Variants in ALG1L2 observed in about 807,000 individuals in gnomAD.
The protein encoded by ALG1L2 is ALG1 chitobiosyldiphosphodolichol beta-mannosyltransferase like 2, also known as putative glycosyltransferase ALG1L2.
A neutral mutation model predicts 29.0 loss-of-function variants in ALG1L2; 32 were observed. The ratio of observed to expected loss-of-function variants is 1.10; its 90% CI spans 0.83 to 1.48. The LOEUF is 1.48. ALG1L2 is among the 40% of genes most tolerant of loss of function. The pLI, the probability that ALG1L2 is intolerant of heterozygous loss-of-function variation, is 0.00. For missense variants in ALG1L2, 318 were observed against 274.1 expected (o/e 1.16, Z -1.13); for synonymous variants, 110 against 109.5 (o/e 1.00, Z -0.03).
At chr3:130,084,406 G>A (rs1934848498) in intron 1 of ALG1L2, among the ~76,000 whole-genome samples, 1 of 148,538 alleles carries the variant, frequency 6.7e-6, no homozygotes, top group Admixed American at 6.8e-5. Context: ...GGAGAGGGAA[G>A]GTGACAGCCA....
At chr3:130,090,478 C>T (rs973516251) in intron 1 of ALG1L2, among the ~76,000 whole-genome samples, 3 of 152,308 alleles carry the variant, frequency 2.0e-5, no homozygotes, top group East Asian at 1.9e-4. Flanking sequence ...TCTGTAATTC[C>T]AGCAAATACA....
At chr3:130,097,285 G>C (rs758532994) in intron 7 of ALG1L2, 35 bp downstream of exon 7, 34 of 1,600,332 alleles carry the variant, frequency 2.1e-5, no homozygotes, top group Non-Finnish European at 2.5e-5. Context: ...GGGTGGACAG[G>C]GTTCTGGAGA....
intron 4 of ALG1L2, 22 bp downstream of exon 4, chr3:130,093,182 G>A (rs759221078): frequency 3.7e-6 from 6 of 1,609,378 alleles, no homozygotes; most frequent in Admixed American, 1.7e-5. Context: ...GACCCTGGGT[G>A]TCTGTTTGGT....
At chr3:130,095,931 T>C (rs1935119408) in intron 5 of ALG1L2, 118 bp from the exon 6 acceptor site, 2 of 1,070,588 alleles carry the variant, frequency 1.9e-6, no homozygotes, top group Admixed American at 4.1e-5. Context: ...TGGTTGGGGA[T>C]GTCGGGGGCC....
chr3:130,097,389 C>T (rs1935165966), intron 7 of ALG1L2, 139 bp downstream of exon 7: 1 of 1,381,572 alleles, frequency 7.2e-7, no homozygotes. Flanking sequence ...GAGCAGAAGT[C>T]ACAGAGGCTG....
chr3:130,092,394 T>TTC (rs368345697), intron 3 of ALG1L2, among the ~76,000 whole-genome samples, 172 bp downstream of exon 3: 5,161 of 152,314 alleles, frequency 0.034, 271 homozygotes, highest in African/African-American at 0.11. Context: ...TGACATTCAA[T>TTC]TCTTCTCATA....
At chr3:130,091,981 T>A in intron 2 of ALG1L2, 120 bp from the exon 3 acceptor site, 1 of 1,508,970 alleles carries the variant, frequency 6.6e-7, no homozygotes, top group South Asian at 1.2e-5. Context: ...CTGGTGCTGC[T>A]GATGCAGCCG....
Position 130,096,133 on chromosome 3 carries a change from G to A in ALG1L2, c.509G>A (p.Cys170Tyr). 1 of 1,611,978 alleles carries A rather than the reference G, an allele frequency of 6.2e-7. No homozygotes were observed. The highest frequency in any genetic ancestry group is 8.5e-7 in the Non-Finnish European group (1 of 1,179,842). ...AAGGTGGTGGACATGTTCAGGTGCT[G>A]TTTGCCTGCGTGTGCCGTGAACTTC... The part of the protein sequence containing the change: ...PMKVVDMFRC[C>Y]LPACAVNFKC... Residue 170 changes from cysteine (C) to tyrosine (Y), a missense_variant, in exon 6 of 8, where the codon TGT becomes TAT. Transcript: ENST00000425059.
intron 1 of ALG1L2, chr3:130,090,587 T>G (rs1281649645): frequency 6.6e-6 from 1 of 152,452 alleles, no homozygotes; most frequent in Non-Finnish European, 1.5e-5. Flanking sequence ...ATTTACAACT[T>G]AATAGTCAAC....
intron 7 of ALG1L2, 146 bp from the exon 8 acceptor site, chr3:130,098,077 C>G: frequency 3.6e-6 from 4 of 1,098,714 alleles, no homozygotes; most frequent in Non-Finnish European, 5.2e-6. Flanking sequence ...GGAGGCGGAG[C>G]GCTGCTGGGG....
chr3:130,087,758 A>G lies in ALG1L2; in HGVS notation c.21-3503A>G, dbSNP rs1467246750. Reference sequence around the variant, plus strand: ...GGAAAAATAATAATAAATATTACATATTTAATAATTAAATGAATGAAAAAG... The same window carrying G: ...GGAAAAATAATAATAAATATTACATGTTTAATAATTAAATGAATGAAAAAG... On this transcript the variant is annotated intron_variant, in intron 1 of 7. Coordinates refer to ENST00000425059, the MANE Select transcript of ALG1L2 (RefSeq NM_001136152.1). Among the ~76,000 whole-genome samples, 3 of 111,096 alleles carry G rather than the reference A, an allele frequency of 2.7e-5. 1 individual carries two copies. Among genetic ancestry groups the G allele is most frequent in the Non-Finnish European group, 6.4e-5 (3 of 46,912 alleles). The allele number at this position is 111,096 out of a possible 152,430, so 72.9% of individuals were successfully genotyped here.
At chr3:130,087,039 T>A (rs7646708) in intron 1 of ALG1L2, among the ~76,000 whole-genome samples, 17 of 149,400 alleles carry the variant, frequency 1.1e-4, no homozygotes, top group African/African-American at 2.9e-4. Context: ...GAGTTCAAGA[T>A]CCTTACAGCC....
chr3:130,096,339 A>T (rs1191070022), intron 6 of ALG1L2, among the ~76,000 whole-genome samples, 176 bp downstream of exon 6: 1 of 152,196 alleles, frequency 6.6e-6, no homozygotes, highest in Non-Finnish European at 1.5e-5. Flanking sequence ...GCCTCACTGA[A>T]GTAGTTGCTT....
chr3:130,084,077 A>G (rs1442867732), intron 1 of ALG1L2, among the ~76,000 whole-genome samples: 28 of 150,886 alleles, frequency 1.9e-4, no homozygotes, highest in African/African-American at 2.2e-4. Flanking sequence ...GGCGAGCAGC[A>G]ATTCATCAGC....
intron 6 of ALG1L2, among the ~76,000 whole-genome samples, chr3:130,096,509 C>T (rs1040768815): frequency 5.9e-5 from 9 of 151,898 alleles, no homozygotes; most frequent in Middle Eastern, 3.5e-3. Flanking sequence ...GTAGAATTGG[C>T]GGGAATTGCC....
intron 4 of ALG1L2, chr3:130,094,005 GC>G (rs1935076359): frequency 3.6e-6 from 1 of 281,674 alleles, no homozygotes; most frequent in Non-Finnish European, 6.9e-6. Context: ...GGGGGCTGTG[GC>G]AGGGCAGGGG....
chr3:130,088,746 C>T (rs1029806962), intron 1 of ALG1L2, among the ~76,000 whole-genome samples: 14 of 24,078 alleles, frequency 5.8e-4, no homozygotes, highest in African/African-American at 1.4e-3. Flanking sequence ...AAGGGGAGCT[C>T]CCCTGCACAA....
chr3:130,087,079 C>T (rs1473949847), intron 1 of ALG1L2, among the ~76,000 whole-genome samples: 1 of 148,612 alleles, frequency 6.7e-6, no homozygotes, highest in African/African-American at 2.4e-5. Context: ...ATAAGATGAC[C>T]GGTTAACCAG....
intron 1 of ALG1L2, chr3:130,089,497 A>C (rs1206895677): frequency 3.3e-5 from 5 of 149,522 alleles, no homozygotes; most frequent in African/African-American, 1.0e-4. Flanking sequence ...TCAAAAAAAG[A>C]AAAAAAAAAG....
Sources: allele counts gnomAD v4.1 joint callset (sites outside exome capture counted in the v4.1 genomes callset), GRCh38; gene constraint gnomAD v4.1.1; transcripts MANE v1.5; gene names NCBI Gene and HGNC (gene_info 2026-07-23, HGNC 2026-07-21).